The following GBA1 variants were observed in gnomAD, a reference collection of about 807,000 sequenced individuals.
GBA1 encodes the protein lysosomal acid glucosylceramidase.
the GBA1 span, among the ~76,000 whole-genome samples, chr1:155,240,879 T>G: frequency 4.6e-5 from 7 of 152,184 alleles, no homozygotes; most frequent in African/African-American, 1.7e-4. Context: ...CTGCAACCCT[T>G]CTGATGACAA....
chr1:155,237,765 G>A, the GBA1 span, among the ~76,000 whole-genome samples: 1 of 152,068 alleles, frequency 6.6e-6, no homozygotes. Flanking sequence ...AGCTGGGCCT[G>A]GTGGCAGGCG....
At chr1:155,239,111 G>A in the GBA1 span, among the ~76,000 whole-genome samples, 1 of 151,710 alleles carries the variant, frequency 6.6e-6, no homozygotes. Flanking sequence ...CCAGGTACTC[G>A]AGAGGCTGAG....
the GBA1 span, among the ~76,000 whole-genome samples, chr1:155,242,237 T>G: frequency 1.3e-5 from 2 of 152,216 alleles, no homozygotes; most frequent in South Asian, 2.1e-4. Flanking sequence ...TGTTGTTGTT[T>G]TTTGAGACAG....
At chr1:155,237,412 T>C in the GBA1 span, 32 of 1,613,860 alleles carry the variant, frequency 2.0e-5, no homozygotes, top group Middle Eastern at 1.6e-4. Context: ...TGGTGAGTAC[T>C]GTTGGCGAGG....
At chr1:155,239,627 A>T in the GBA1 span, 1 of 1,614,204 alleles carries the variant, frequency 6.2e-7, no homozygotes, top group South Asian at 1.1e-5. Flanking sequence ...TTCTTCAGAG[A>T]AGTACGATTT....
At chr1:155,242,728 G>T in the GBA1 span, among the ~76,000 whole-genome samples, 1 of 151,346 alleles carries the variant, frequency 6.6e-6, no homozygotes, top group Non-Finnish European at 1.5e-5. Flanking sequence ...GAGTAGCTGG[G>T]ATTACAGGAG....
chr1:155,242,214 T>C, the GBA1 span, among the ~76,000 whole-genome samples: 1 of 152,096 alleles, frequency 6.6e-6, no homozygotes, highest in Non-Finnish European at 1.5e-5. Flanking sequence ...TGTCTCTTGT[T>C]TGTATTTTTT....
At chr1:155,239,839 C>A in the GBA1 span, 3 of 1,613,824 alleles carry the variant, frequency 1.9e-6, no homozygotes, top group Admixed American at 5.0e-5. Context: ...CCATTTACCT[C>A]TAGGAGGACC....
At chr1:155,236,551 T>G in the GBA1 span, 1 of 1,113,362 alleles carries the variant, frequency 9.0e-7, no homozygotes, top group Non-Finnish European at 1.4e-6. Flanking sequence ...ATCCTGGAGT[T>G]GGGTGACGGG....
At chr1:155,236,326 A>G in the GBA1 span, 19 of 1,614,186 alleles carry the variant, frequency 1.2e-5, no homozygotes, top group East Asian at 2.2e-5. Context: ...TGGAGCCCAC[A>G]CAGGCCTCTG....
the GBA1 span, chr1:155,235,434 G>C: frequency 6.6e-7 from 1 of 1,514,844 alleles, no homozygotes; most frequent in Non-Finnish European, 9.0e-7. Flanking sequence ...TGGCTCTCTA[G>C]GCCTGGAGCC....
chr1:155,237,609 C>G, the GBA1 span: 1 of 1,611,932 alleles, frequency 6.2e-7, no homozygotes, highest in Non-Finnish European at 8.5e-7. Context: ...AATGATCCGG[C>G]CAAGAAAGTG....
the GBA1 span, chr1:155,240,186 G>C: frequency 1.0e-6 from 1 of 964,360 alleles, no homozygotes; most frequent in Non-Finnish European, 1.6e-6. Context: ...CCCCTTGGCC[G>C]GGCGCAGGGG....
At chr1:155,236,170 C>G in the GBA1 span, 1 of 1,284,198 alleles carries the variant, frequency 7.8e-7, no homozygotes, top group African/African-American at 1.5e-5. Context: ...ACAGGAAGGG[C>G]TTCTGTCAGT....
the GBA1 span, among the ~76,000 whole-genome samples, chr1:155,242,180 C>T: frequency 6.6e-6 from 1 of 152,186 alleles, no homozygotes; most frequent in Non-Finnish European, 1.5e-5. Flanking sequence ...TGCCTGACCA[C>T]TTGGTAGGCA....
chr1:155,241,967 AC>A, the GBA1 span, among the ~76,000 whole-genome samples: 1 of 152,220 alleles, frequency 6.6e-6, no homozygotes, highest in Non-Finnish European at 1.5e-5. Flanking sequence ...AAAGTGTTGT[AC>A]AAAGCCATAT....
the GBA1 span, among the ~76,000 whole-genome samples, chr1:155,239,178 A>C: frequency 1.3e-5 from 2 of 151,538 alleles, no homozygotes; most frequent in African/African-American, 4.9e-5. Context: ...AGATTGTGCC[A>C]CTGCACTCCA....
chr1:155,235,913 G>A, the GBA1 span: 7 of 1,593,534 alleles, frequency 4.4e-6, no homozygotes, highest in South Asian at 1.1e-5. Context: ...GTAGGTAAGG[G>A]TCACATGTGG....
the GBA1 span, chr1:155,236,590 A>T: frequency 1.2e-6 from 1 of 826,262 alleles, no homozygotes; most frequent in African/African-American, 1.7e-5. Context: ...GTTTGGGGAG[A>T]TTTTTTTTTG....
Sources: gnomAD v4.1 joint callset for allele counts (sites outside exome capture counted in the v4.1 genomes callset) on GRCh38, gnomAD v4.1.1 for gene constraint, MANE v1.5 for transcripts, NCBI Gene and HGNC (gene_info 2026-07-23, HGNC 2026-07-21) for gene names.